TFAP2B: variants seen among roughly 807,000 people sequenced by gnomAD.
TFAP2B encodes the protein transcription factor AP-2 beta.
TFAP2B carries 9 observed loss-of-function variants against 44.3 expected under a neutral mutation model. That is an observed-to-expected ratio of 0.20 (90% CI 0.12 to 0.35). TFAP2B has a LOEUF of 0.35. TFAP2B is among the 10% of genes least tolerant of loss of function. The pLI is 1.00. For synonymous variants in TFAP2B, 270 were observed against 263.8 expected (o/e 1.02, Z -0.23); for missense variants, 509 against 600.0 (o/e 0.85, Z 1.59).
intron 4 of TFAP2B, among the ~76,000 whole-genome samples, chr6:50,836,486 A>G (rs1479907523): frequency 6.6e-6 from 1 of 152,162 alleles, no homozygotes; most frequent in African/African-American, 2.4e-5. Flanking sequence ...CACAAACTCT[A>G]GTGTCCTTGC....
chr6:50,838,209 G>A (rs1455748548), intron 5 of TFAP2B, 116 bp downstream of exon 5: 1 of 935,228 alleles, frequency 1.1e-6, no homozygotes, highest in African/African-American at 1.6e-5. Flanking sequence ...GTGCTCTTAT[G>A]AGCTGGATGT....
Position 50,828,630 on chromosome 6 carries a change from T to C in TFAP2B, c.552T>C (p.Asp184=), listed in dbSNP as rs375131106. The change falls in exon 3 of 7, where the codon GAT becomes GAC. Residue 184 remains aspartate, a synonymous_variant. Coordinates refer to ENST00000393655, the MANE Select transcript of TFAP2B (RefSeq NM_003221.4). Reference sequence around the variant, plus strand: ...TTTTATATTCACAGTCAGTTGAAGATGCCAATAACAGCGGCATGAATCTAT... The same window carrying C: ...TTTTATATTCACAGTCAGTTGAAGACGCCAATAACAGCGGCATGAATCTAT... The part of the protein sequence containing the change: ...PGMEDVQSVE[D]ANNSGMNLLD... The C allele has an allele frequency of 6.2e-7, 1 of 1,613,882 alleles. No homozygotes were observed. The highest frequency in any genetic ancestry group is 1.3e-5 in the African/African-American group (1 of 74,934).
intron 3 of TFAP2B, among the ~76,000 whole-genome samples, chr6:50,830,103 G>A (rs762560581): frequency 6.6e-6 from 1 of 152,002 alleles, no homozygotes; most frequent in Non-Finnish European, 1.5e-5. Context: ...CTCCTCTTTC[G>A]GTTAATTGCT....
chr6:50,836,335 C>G (rs937177212), intron 4 of TFAP2B, 55 bp downstream of exon 4: 4 of 1,459,762 alleles, frequency 2.7e-6, no homozygotes, highest in Non-Finnish European at 3.8e-6. Flanking sequence ...AAAAACCCAC[C>G]AGTTTTTATT....
chr6:50,820,535 G>A (rs1409317146), intron 1 of TFAP2B, among the ~76,000 whole-genome samples: 1 of 152,278 alleles, frequency 6.6e-6, no homozygotes, highest in Non-Finnish European at 1.5e-5. Context: ...GTTGCTGAAT[G>A]ATGCTTGGGG....
At chr6:50,842,986 C>T in intron 6 of TFAP2B, 106 bp from the exon 7 acceptor site, 1 of 1,463,784 alleles carries the variant, frequency 6.8e-7, no homozygotes, top group Admixed American at 1.7e-5. Flanking sequence ...ATTAGCCTCG[C>T]TCTTCGGTGA....
chr6:50,825,697 C>A (rs1770483235), intron 2 of TFAP2B, among the ~76,000 whole-genome samples: 1 of 152,074 alleles, frequency 6.6e-6, no homozygotes, highest in Non-Finnish European at 1.5e-5. Context: ...TTGTTGCTGT[C>A]GGGAATACAG....
At chr6:50,830,956 A>T (rs1770654387) in intron 3 of TFAP2B, among the ~76,000 whole-genome samples, 1 of 152,204 alleles carries the variant, frequency 6.6e-6, no homozygotes, top group Admixed American at 6.5e-5. Flanking sequence ...TTTTAGGCAG[A>T]TAAAAAAAAA....
rs1762817670 is a variant in TFAP2B at position 50,845,083 on chromosome 6, C to T, written c.*1691C>T. On this transcript the variant is annotated 3_prime_UTR_variant, in exon 7 of 7. Coordinates refer to ENST00000393655, the MANE Select transcript of TFAP2B (RefSeq NM_003221.4). ...ATTATCATGAAATAAGATCTGGAAT[C>T]CATTGTCTGCACCTCCGCAAAAGCA... 6.6e-6 allele frequency: 1 copy of T among 152,136 alleles called. No individual in the cohort carries two copies. The highest frequency in any genetic ancestry group is 1.9e-4 in the East Asian group (1 of 5,184). 9.4% of individuals were successfully genotyped at this position (152,136 alleles called of 1,614,324 possible). A position where few individuals can be genotyped will look rare whatever the true frequency, so the allele number is the denominator to read the frequency against.
chr6:50,820,287 C>T (rs1245243134), intron 1 of TFAP2B, among the ~76,000 whole-genome samples: 1 of 152,192 alleles, frequency 6.6e-6, no homozygotes, highest in Non-Finnish European at 1.5e-5. Flanking sequence ...AGAGCCGCCT[C>T]GAAGATCCTA....
chr6:50,831,376 G>T (rs1770664431), intron 3 of TFAP2B, among the ~76,000 whole-genome samples: 1 of 152,144 alleles, frequency 6.6e-6, no homozygotes, highest in Non-Finnish European at 1.5e-5. Context: ...AATGCAATCT[G>T]CAGGGACCGT....
intron 6 of TFAP2B, among the ~76,000 whole-genome samples, chr6:50,840,924 C>T (rs1762714100): frequency 6.6e-6 from 1 of 152,250 alleles, no homozygotes; most frequent in Non-Finnish European, 1.5e-5. Flanking sequence ...CGGCTCAGGC[C>T]TGCAGTGGGC....
rs553119728 is a variant in TFAP2B at position 50,828,522 on chromosome 6, T to C, written c.541-97T>C. 4.8e-6 allele frequency: 5 copies of C among 1,033,602 alleles called. No individual in the cohort carries two copies. In the African/African-American group the frequency reaches 7.9e-5, roughly 16 times the overall value. 64.0% of individuals were successfully genotyped at this position (1,033,602 alleles called of 1,614,324 possible). A position where few individuals can be genotyped will look rare whatever the true frequency, so the allele number is the denominator to read the frequency against. ...ACAGCCCTTTGTGAATTAATATAAA[T>C]GGAAATAACAGAAACTCCAGTTTGG... On this transcript the variant is annotated intron_variant, in intron 2 of 6. Coordinates refer to ENST00000393655, the MANE Select transcript of TFAP2B (RefSeq NM_003221.4).
At chr6:50,824,784 G>A (rs1770457975) in intron 2 of TFAP2B, among the ~76,000 whole-genome samples, 1 of 152,172 alleles carries the variant, frequency 6.6e-6, no homozygotes, top group Admixed American at 6.5e-5. Context: ...AGAATACTTG[G>A]TTAAACTAAA....
chr6:50,830,216 G>C (rs1581818159), intron 3 of TFAP2B: 1 of 749,970 alleles, frequency 1.3e-6, no homozygotes, highest in African/African-American at 1.9e-5. Context: ...ACTTAGCTCA[G>C]GGTTCTGTAT....
At position 50,843,142 on chromosome 6, in the gene TFAP2B, T is replaced by G. The variant is rs755194570; in HGVS notation, c.1133T>G (p.Ile378Arg). The change falls in exon 7 of 7, where the codon ATA (isoleucine) becomes AGA (arginine). Residue 378 changes from isoleucine to arginine, a missense_variant. By Grantham distance (97) the Ile-to-Arg change is moderately conservative (BLOSUM62 -3). Transcript: ENST00000393655. The stretch of plus-strand genomic sequence containing the variant: ...CTACTGGCGCAGGACCGGACACCGA[T>G]AGGGAACAGCCGACCCAGCCCCATC... ...TDLLAQDRTP[I>R]GNSRPSPILE... is the part of the protein sequence containing the mutation. 2 of 1,614,210 alleles carry G rather than the reference T, an allele frequency of 1.2e-6. No homozygotes were observed. Among genetic ancestry groups the G allele is most frequent in the Non-Finnish European group, 1.7e-6 (2 of 1,180,032 alleles).
chr6:50,820,008 G>A (rs559615352), intron 1 of TFAP2B, among the ~76,000 whole-genome samples: 84 of 152,312 alleles, frequency 5.5e-4, no homozygotes, highest in African/African-American at 2.0e-3. Flanking sequence ...AGGAAGGGAA[G>A]GTTCTGCTGA....
chr6:50,843,550 TAAAAA>T lies in TFAP2B; in HGVS notation c.*163_*167del. On this transcript the variant is annotated 3_prime_UTR_variant, in exon 7 of 7. Transcript: ENST00000393655. ...TTTTAAAAAAAAAAGCTAAATAACT[TAAAAA>T]AAAACTGAGGCGTACAACGGAGCAA... 1 of 819,514 alleles carries T rather than the reference TAAAAA, an allele frequency of 1.2e-6. No homozygotes were observed. The highest frequency in any genetic ancestry group is 2.8e-5 in the East Asian group (1 of 35,126). The allele number at this position is 819,514 out of a possible 1,614,324, so 50.8% of individuals were successfully genotyped here. A position where few individuals can be genotyped will look rare whatever the true frequency, so the allele number is the denominator to read the frequency against.
At position 50,847,454 on chromosome 6, in the gene TFAP2B, C is replaced by A. The variant is rs1386473446; in HGVS notation, c.*4062C>A. 6.6e-6 allele frequency: 1 copy of A among 152,540 alleles called. No homozygotes were observed. The highest frequency in any genetic ancestry group is 2.4e-5 in the African/African-American group (1 of 41,390). The allele number at this position is 152,540 out of a possible 1,614,324, so 9.4% of individuals were successfully genotyped here. On this transcript the variant is annotated 3_prime_UTR_variant, in exon 7 of 7. Transcript: ENST00000393655. ...GGGATTATTTATCTGTGAATCTATA[C>A]CTCTGTGAATGGGTGGTTAAAAAAC...
Sources: gnomAD v4.1 joint callset for allele counts (sites outside exome capture counted in the v4.1 genomes callset) on GRCh38, gnomAD v4.1.1 for gene constraint, MANE v1.5 for transcripts, NCBI Gene and HGNC (gene_info 2026-07-23, HGNC 2026-07-21) for gene names.